LRRTM4: variants seen among roughly 807,000 people sequenced by gnomAD.
LRRTM4 encodes the protein leucine rich repeat transmembrane neuronal 4.
LRRTM4 carries 25 observed loss-of-function variants against 47.6 expected under a neutral mutation model. The observed-to-expected ratio is 0.53, with a 90% CI of 0.38 to 0.73. The LOEUF (loss-of-function observed/expected upper bound fraction) is 0.73, where lower values mean the gene tolerates loss of function less well. Among genes scored for constraint, LRRTM4 ranks in the 30% least tolerant of loss-of-function variants. The pLI is 0.00. For synonymous variants in LRRTM4, 311 were observed against 269.5 expected, an observed-to-expected ratio of 1.15 and a Z score of -1.51; for missense variants, 638 against 713.4, an observed-to-expected ratio of 0.89 and a Z score of 1.20.
At chr2:77,033,733 T>G (rs563601183) in intron 3 of LRRTM4, among the ~76,000 whole-genome samples, 1 of 151,894 alleles carries the variant, frequency 6.6e-6, no homozygotes, top group Non-Finnish European at 1.5e-5. Flanking sequence ...TAATTTCTAA[T>G]ATCAATAGGG....
At chr2:77,033,774 G>T (rs908545820) in intron 3 of LRRTM4, among the ~76,000 whole-genome samples, 36 of 151,628 alleles carry the variant, frequency 2.4e-4, no homozygotes, top group Non-Finnish European at 5.3e-4. Flanking sequence ...TATGTGGCTT[G>T]TTTGTCTCTT....
At chr2:76,858,843 G>C (rs1484166873) in intron 3 of LRRTM4, among the ~76,000 whole-genome samples, 1 of 152,014 alleles carries the variant, frequency 6.6e-6, no homozygotes, top group Non-Finnish European at 1.5e-5. Context: ...ATTTAGATCT[G>C]AGTCAACATT....
intron 3 of LRRTM4, among the ~76,000 whole-genome samples, chr2:76,878,940 C>T (rs1214424872): frequency 1.3e-5 from 2 of 151,996 alleles, no homozygotes; most frequent in African/African-American, 4.8e-5. Context: ...CTGGATAGAA[C>T]ATCAAACCAG....
intron 3 of LRRTM4, among the ~76,000 whole-genome samples, chr2:77,398,150 C>T (rs548238783): frequency 4.6e-5 from 7 of 151,872 alleles, no homozygotes; most frequent in Admixed American, 2.6e-4. Context: ...ATAATTCTCT[C>T]AAATGCAAAT....
rs370023879 is a variant in LRRTM4 at position 77,372,664 on chromosome 2, T to C, written c.1551+145654A>G. 6.6e-5 allele frequency among the ~76,000 whole-genome samples: 10 copies of C among 151,904 alleles called. No individual in the cohort carries two copies. In the South Asian group the frequency reaches 1.2e-3, roughly 19 times the overall value. Reference sequence around the variant, plus strand: ...TAATACTTCAGCATTAATGGTGTTTTCTTCACTCTATAAGACATACAAATG... The same window carrying C: ...TAATACTTCAGCATTAATGGTGTTTCCTTCACTCTATAAGACATACAAATG... On this transcript the variant is annotated intron_variant, in intron 3 of 3. Transcript: ENST00000409884.
chr2:76,912,539 C>A (rs747573975), intron 3 of LRRTM4, among the ~76,000 whole-genome samples: 1 of 152,006 alleles, frequency 6.6e-6, no homozygotes, highest in African/African-American at 2.4e-5. Flanking sequence ...ATTATGAGAA[C>A]AATTAGAGAC....
rs542184292 is a variant in LRRTM4, at chr2:76,898,980, T to C, written c.1552-150064A>G. On this transcript the variant is annotated intron_variant, in intron 3 of 3. Coordinates refer to ENST00000409884, the MANE Select transcript of LRRTM4 (RefSeq NM_001134745.3). ...GAACCTAGTTTATACAAGGATGTTC[T>C]CTTTGATTAATTTACATTCACAAAT... Among the ~76,000 whole-genome samples, 4 of 152,214 alleles carry C rather than the reference T, an allele frequency of 2.6e-5. No homozygotes were observed. The East Asian group carries it at 7.7e-4, about 29-fold the overall frequency.
At chr2:77,275,943 T>A (rs2104084354) in intron 3 of LRRTM4, among the ~76,000 whole-genome samples, 1 of 152,150 alleles carries the variant, frequency 6.6e-6, no homozygotes, top group East Asian at 1.9e-4. Context: ...AAGATGACAA[T>A]CCCTTTCCTG....
At chr2:76,863,961 C>G (rs1672393366) in intron 3 of LRRTM4, among the ~76,000 whole-genome samples, 1 of 152,046 alleles carries the variant, frequency 6.6e-6, no homozygotes. Context: ...TCTATGGGAC[C>G]TAAAAAGATT....
At chr2:76,977,809 G>A (rs1035586031) in intron 3 of LRRTM4, among the ~76,000 whole-genome samples, 7 of 151,916 alleles carry the variant, frequency 4.6e-5, no homozygotes, top group South Asian at 2.1e-4. Context: ...TTTCGTTGTC[G>A]TTGTTGTTCA....
At chr2:76,901,997 T>C (rs530129370) in intron 3 of LRRTM4, among the ~76,000 whole-genome samples, 2 of 152,320 alleles carry the variant, frequency 1.3e-5, no homozygotes, top group African/African-American at 4.8e-5. Context: ...CTTTGGGGTA[T>C]CATTATCCTT....
At chr2:77,089,385 G>C (rs976287668) in intron 3 of LRRTM4, among the ~76,000 whole-genome samples, 1 of 150,604 alleles carries the variant, frequency 6.6e-6, no homozygotes. Flanking sequence ...TTATTTCCAC[G>C]CCCCAACCTC....
intron 3 of LRRTM4, among the ~76,000 whole-genome samples, chr2:77,375,022 C>T (rs1300060329): frequency 6.6e-6 from 1 of 151,478 alleles, no homozygotes; most frequent in Non-Finnish European, 1.5e-5. Context: ...CTACTTTTTT[C>T]TGAATCTTAG....
At chr2:77,192,896 A>T (rs557803703) in intron 3 of LRRTM4, among the ~76,000 whole-genome samples, 1 of 152,324 alleles carries the variant, frequency 6.6e-6, no homozygotes, top group East Asian at 1.9e-4. Context: ...CGTGCATGGA[A>T]AAGAGAAGTC....
chr2:77,385,855 C>T (rs1352667795), intron 3 of LRRTM4, among the ~76,000 whole-genome samples: 1 of 141,844 alleles, frequency 7.1e-6, no homozygotes, highest in Non-Finnish European at 1.5e-5. Flanking sequence ...TCAAGTGATT[C>T]TTCTGGCCCA....
intron 3 of LRRTM4, among the ~76,000 whole-genome samples, chr2:77,338,254 A>AT (rs1671237926): frequency 6.6e-6 from 1 of 152,140 alleles, no homozygotes; most frequent in Non-Finnish European, 1.5e-5. Flanking sequence ...ACCGTATTCA[A>AT]CTAAACAGCT....
chr2:77,168,011 G>C (rs1224641507), intron 3 of LRRTM4, among the ~76,000 whole-genome samples: 2 of 151,984 alleles, frequency 1.3e-5, no homozygotes, highest in Non-Finnish European at 2.9e-5. Context: ...TAGGGAATCT[G>C]TTTTTTCCGC....
intron 3 of LRRTM4, among the ~76,000 whole-genome samples, chr2:76,796,053 T>C (rs192384496): frequency 0.16 from 16,231 of 102,494 alleles, 3,523 homozygotes; most frequent in East Asian, 0.44. Context: ...AAAGGGGTGA[T>C]GTACTGCACC....
intron 3 of LRRTM4, among the ~76,000 whole-genome samples, chr2:77,485,881 C>G (rs1677891597): frequency 6.6e-6 from 1 of 150,592 alleles, no homozygotes; most frequent in South Asian, 2.1e-4. Flanking sequence ...CAGGCATGCA[C>G]CACCACAGTC....
Sources: allele counts gnomAD v4.1 joint callset (sites outside exome capture counted in the v4.1 genomes callset), GRCh38; gene constraint gnomAD v4.1.1; transcripts MANE v1.5; gene names NCBI Gene and HGNC (gene_info 2026-07-23, HGNC 2026-07-21).